RIF1: variants seen among roughly 807,000 people sequenced by gnomAD.
The protein encoded by RIF1 is telomere-associated protein RIF1.
A neutral mutation model predicts 247.1 loss-of-function variants in RIF1; 45 were observed. The ratio of observed to expected loss-of-function variants is 0.18; its 90% confidence interval spans 0.14 to 0.23. The LOEUF (loss-of-function observed/expected upper bound fraction) is 0.23. Among genes scored for constraint, RIF1 ranks in the 10% least tolerant of loss-of-function variants. The pLI is 1.00. For missense variants in RIF1, 2,967 were observed against 2,862.5 expected, an observed-to-expected ratio of 1.04 and a Z score of -0.83; for synonymous variants, 1,087 against 978.8, an observed-to-expected ratio of 1.11 and a Z score of -2.06.
At chr2:151,519,574 T>A in the RIF1 span, 2 of 983,168 alleles carry the variant, frequency 2.0e-6, no homozygotes, top group Non-Finnish European at 3.2e-6. Flanking sequence ...GTGAGTGTTA[T>A]AAATGCTACT....
chr2:151,464,158 T>C lies in RIF1; in HGVS notation c.4638T>C (p.Leu1546=), dbSNP rs183315754. ...CTAGAAGAGCATCTCAGGGTTTGCT[T>C]TCCAGCATTGAAAACTCAGAATCTG... ...YQTRRASQGL[L]SSIENSESDS... is the part of the protein sequence containing the mutation. The change falls in exon 30 of 36, where the codon CTT becomes CTC. Residue 1546 remains leucine, a synonymous_variant. Coordinates refer to ENST00000444746, the MANE Select transcript of RIF1 (RefSeq NM_018151.5). 1.7e-5 allele frequency: 27 copies of C among 1,609,876 alleles called. No individual in the cohort carries two copies. The East Asian group carries it at 6.0e-4, about 36-fold the overall frequency.
chr2:151,480,091 T>TACTA lies in RIF1; in HGVS notation c.*5022_*5025dup, dbSNP rs1350329222. 3 of 152,214 alleles carry TACTA rather than the reference T, an allele frequency of 2.0e-5. No homozygotes were observed. Among genetic ancestry groups the TACTA allele is most frequent in the Non-Finnish European group, 4.4e-5 (3 of 68,012 alleles). 9.4% of individuals were successfully genotyped at this position (152,214 alleles called of 1,614,324 possible). A position where few individuals can be genotyped will look rare whatever the true frequency, so the allele number is the denominator to read the frequency against. The stretch of plus-strand genomic sequence containing the variant: ...GGTCCTAATCATTTTTTTCTTTACA[T>TACTA]ACTAAGCCTTCCTTTCTCCAAAGAA... On this transcript the variant is annotated 3_prime_UTR_variant, in exon 36 of 36. Coordinates refer to ENST00000444746, the MANE Select transcript of RIF1 (RefSeq NM_018151.5).
At chr2:151,518,983 T>A in the RIF1 span, 2 of 1,612,914 alleles carry the variant, frequency 1.2e-6, no homozygotes, top group Non-Finnish European at 1.7e-6. Flanking sequence ...CAAGTTGGCT[T>A]GTATTCAGGA....
Position 151,477,152 on chromosome 2 carries a change from A to G in RIF1, c.*2081A>G, listed in dbSNP as rs545857207. On this transcript the variant is annotated 3_prime_UTR_variant, in exon 36 of 36. Transcript: ENST00000444746. ...TTCATTTTGCTATGGCTATAAGCAT[A>G]TATTTTTGGCAACTTATTTGCAATA... 6.6e-6 allele frequency: 1 copy of G among 152,348 alleles called. No individual in the cohort carries two copies. The highest frequency in any genetic ancestry group is 2.1e-4 in the South Asian group (1 of 4,830). The allele number at this position is 152,348 out of a possible 1,614,324, so 9.4% of individuals were successfully genotyped here. A position where few individuals can be genotyped will look rare whatever the true frequency, so the allele number is the denominator to read the frequency against.
chr2:151,462,870 A>G lies in RIF1; in HGVS notation c.3364-14A>G, dbSNP rs1574125405. ...AATCTGTGTGTGTATATATATGTAT[A>G]TATTTCTGTGCAGGAGGAGCAAATG... is the stretch of plus-strand genomic sequence containing the variant. On this transcript the variant is annotated splice_polypyrimidine_tract_variant and intron_variant, in intron 29 of 35. Coordinates refer to ENST00000444746, the MANE Select transcript of RIF1 (RefSeq NM_018151.5). 2 of 1,541,536 alleles carry G rather than the reference A, an allele frequency of 1.3e-6. No individual in the cohort carries two copies. Among genetic ancestry groups the G allele is most frequent in the African/African-American group, 2.8e-5 (2 of 72,382 alleles).
intron 9 of RIF1, chr2:151,489,987 T>C: frequency 2.5e-6 from 4 of 1,599,752 alleles, no homozygotes; most frequent in Non-Finnish European, 3.4e-6. Flanking sequence ...AGTAGATGGA[T>C]GAGATGGGAT....
the RIF1 span, chr2:151,525,375 T>G: frequency 1.2e-6 from 1 of 860,642 alleles, no homozygotes; most frequent in Non-Finnish European, 1.9e-6. Context: ...TGCTCCCCAT[T>G]TTGGCGTCAG....
the RIF1 span, among the ~76,000 whole-genome samples, chr2:151,529,784 C>T: frequency 1.3e-5 from 2 of 152,184 alleles, no homozygotes; most frequent in African/African-American, 4.8e-5. Flanking sequence ...CCCACCTCAG[C>T]CTTTCAAAGT....
intron 13 of RIF1, chr2:151,506,861 G>T: frequency 8.2e-7 from 1 of 1,212,952 alleles, no homozygotes; most frequent in Non-Finnish European, 1.2e-6. Flanking sequence ...AAAGAGGAGA[G>T]TGAAATGACT....
chr2:151,417,931 G>A (rs1302832755), intron 6 of RIF1, among the ~76,000 whole-genome samples: 1 of 152,156 alleles, frequency 6.6e-6, no homozygotes, highest in East Asian at 1.9e-4. Flanking sequence ...GATATTGTAG[G>A]CACTTCTAAC....
intron 20 of RIF1, among the ~76,000 whole-genome samples, chr2:151,447,134 G>A (rs1039315370): frequency 1.3e-5 from 2 of 151,856 alleles, no homozygotes; most frequent in South Asian, 2.1e-4. Flanking sequence ...TAGTAGAGAC[G>A]GGGTTTCACC....
intron 23 of RIF1, among the ~76,000 whole-genome samples, chr2:151,456,953 C>G (rs145442101): frequency 6.6e-6 from 1 of 152,096 alleles, no homozygotes; most frequent in East Asian, 1.9e-4. Flanking sequence ...AGGCTTGTCT[C>G]GAACTCCTGA....
At chr2:151,505,296 G>C (rs2067950464) in intron 12 of RIF1, among the ~76,000 whole-genome samples, 1 of 152,150 alleles carries the variant, frequency 6.6e-6, no homozygotes, top group Non-Finnish European at 1.5e-5. Context: ...CCTTGATTAT[G>C]AGAAAAGTGG....
chr2:151,479,875 A>G lies in RIF1; in HGVS notation c.*4804A>G, dbSNP rs2049094862. On this transcript the variant is annotated 3_prime_UTR_variant, in exon 36 of 36. Coordinates refer to ENST00000444746, the MANE Select transcript of RIF1 (RefSeq NM_018151.5). ...ATTGATAGTTTGATCTGTAAAACAA[A>G]TTGGGTTTCGTGCTTTCTGATGTCC... 6.6e-6 allele frequency: 1 copy of G among 152,188 alleles called. No individual in the cohort carries two copies. The highest frequency in any genetic ancestry group is 2.1e-4 in the South Asian group (1 of 4,834). The allele number at this position is 152,188 out of a possible 1,614,324, so 9.4% of individuals were successfully genotyped here. A position where few individuals can be genotyped will look rare whatever the true frequency, so the allele number is the denominator to read the frequency against.
intron 10 of RIF1, chr2:151,495,445 C>CTAA (rs2059559001): frequency 8.2e-6 from 1 of 122,270 alleles, no homozygotes; most frequent in Non-Finnish European, 1.8e-5. Flanking sequence ...GCACGTTATT[C>CTAA]TGATGCGTGC....
intron 9 of RIF1, chr2:151,495,202 A>C (rs764352450): frequency 9.9e-5 from 15 of 152,228 alleles, no homozygotes; most frequent in Non-Finnish European, 2.1e-4. Flanking sequence ...ATCATGATAA[A>C]TCCTCAACCT....
At chr2:151,430,459 T>A (rs1689889459) in intron 9 of RIF1, among the ~76,000 whole-genome samples, 2 of 151,370 alleles carry the variant, frequency 1.3e-5, no homozygotes, top group Non-Finnish European at 2.9e-5. Context: ...GTAGCTGGGA[T>A]GACAGGCGCC....
At chr2:151,418,423 T>G (rs1353639568) in intron 6 of RIF1, among the ~76,000 whole-genome samples, 1 of 152,142 alleles carries the variant, frequency 6.6e-6, no homozygotes, top group Non-Finnish European at 1.5e-5. Context: ...CAGTCTGGAG[T>G]TGAACTCCTG....
chr2:151,454,355 T>C (rs936752452), intron 21 of RIF1, among the ~76,000 whole-genome samples: 1 of 152,182 alleles, frequency 6.6e-6, no homozygotes, highest in Admixed American at 6.5e-5. Context: ...AGGACAAATC[T>C]TTTTCTTTAT....
Sources: allele counts gnomAD v4.1 joint callset (sites outside exome capture counted in the v4.1 genomes callset), GRCh38; gene constraint gnomAD v4.1.1; transcripts MANE v1.5; gene names NCBI Gene and HGNC (gene_info 2026-07-23, HGNC 2026-07-21).